Variants in TECTA observed in about 807,000 individuals in gnomAD.
TECTA encodes alpha-tectorin.
TECTA carries 128 observed loss-of-function variants against 216.8 expected under a neutral mutation model. The observed-to-expected ratio is 0.59, with a 90% CI of 0.51 to 0.68. The LOEUF (loss-of-function observed/expected upper bound fraction) is 0.68. Among genes scored for constraint, TECTA ranks in the 30% least tolerant of loss-of-function variants. The probability of loss-of-function intolerance (pLI) is 0.00; values close to 1 mark genes in which losing one functional copy is unlikely to be tolerated. For missense variants in TECTA, 2,551 were observed against 2,786.2 expected (o/e 0.92, Z 1.90); for synonymous variants, 1,089 against 1,117.1 (o/e 0.97, Z 0.50).
intron 21 of TECTA, among the ~76,000 whole-genome samples, chr11:121,188,325 A>ATGG (rs1947308093): frequency 6.6e-6 from 1 of 152,162 alleles, no homozygotes; most frequent in Admixed American, 6.5e-5. Context: ...ACCTCTACCC[A>ATGG]TGGATACCAG....
intron 14 of TECTA, among the ~76,000 whole-genome samples, chr11:121,159,389 C>T (rs563964466): frequency 6.6e-6 from 1 of 152,274 alleles, no homozygotes; most frequent in African/African-American, 2.4e-5. Context: ...CAAAATACCC[C>T]AAGCTAGTCA....
chr11:121,125,276 C>A, intron 7 of TECTA, 26 bp from the exon 8 acceptor site: 2 of 1,607,374 alleles, frequency 1.2e-6, no homozygotes, highest in South Asian at 1.1e-5. Context: ...TGCTCACCTG[C>A]CTTTCACTAT....
At position 121,114,628 on chromosome 11, in the gene TECTA, C is replaced by A. The variant is rs1426718214; in HGVS notation, c.790+910C>A. On this transcript the variant is annotated intron_variant, in intron 6 of 23. Coordinates refer to ENST00000392793, the MANE Select transcript of TECTA (RefSeq NM_005422.4). Reference sequence around the variant, plus strand: ...ACCCACCCATCCATCCACCTACCCACCCACCCATCCACCCACCCATCCATC... The same window carrying A: ...ACCCACCCATCCATCCACCTACCCAACCACCCATCCACCCACCCATCCATC... Among the ~76,000 whole-genome samples, 3 of 131,678 alleles carry A rather than the reference C, an allele frequency of 2.3e-5. 1 individual carries two copies. In the East Asian group the frequency reaches 7.6e-4, roughly 33 times the overall value. 86.4% of individuals were successfully genotyped at this position (131,678 alleles called of 152,430 possible). A position where few individuals can be genotyped will look rare whatever the true frequency, so the allele number is the denominator to read the frequency against.
Position 121,165,332 on chromosome 11 carries a change from G to A in TECTA, c.5332G>A (p.Gly1778Ser). The change falls in exon 17 of 24, where the codon GGC becomes AGC. Residue 1778 changes from glycine (G) to serine (S), a missense_variant. This residue lies in a region of TECTA where 2,375 missense variants were observed against 2,563.9 expected (regional missense o/e 0.93). Transcript: ENST00000392793. Reference sequence around the variant, plus strand: ...CTGTCCCAACCGAACTTGCGAGCTGGGCAATGGCAGGGAGCTGTGTGGCTG... The same window carrying A: ...CTGTCCCAACCGAACTTGCGAGCTGAGCAATGGCAGGGAGCTGTGTGGCTG... ...ADCPNRTCEL[G>S]NGRELCGCIE... 6.2e-7 allele frequency: 1 copy of A among 1,608,390 alleles called. No homozygotes were observed. The highest frequency in any genetic ancestry group is 8.5e-7 in the Non-Finnish European group (1 of 1,177,600).
chr11:121,110,470 TTA>T (rs1242565166), intron 4 of TECTA: 1 of 152,194 alleles, frequency 6.6e-6, no homozygotes, highest in African/African-American at 2.4e-5. Context: ...CACGAACACA[TTA>T]TGTTTTAGCA....
Position 121,109,503 on chromosome 11 carries a change from T to C in TECTA, c.486+5T>C. ...GGAGGCAGCAGCACCACACCTGTAATAATTCAAATTTTCTGCTTTCCACTT... is the reference window on the plus strand; with the variant it reads ...GGAGGCAGCAGCACCACACCTGTAACAATTCAAATTTTCTGCTTTCCACTT... On this transcript the variant is annotated splice_donor_5th_base_variant and intron_variant, in intron 4 of 23. Coordinates refer to ENST00000392793, the MANE Select transcript of TECTA (RefSeq NM_005422.4). 6 of 1,614,172 alleles carry C rather than the reference T, an allele frequency of 3.7e-6. No individual in the cohort carries two copies. The highest frequency in any genetic ancestry group is 5.1e-6 in the Non-Finnish European group (6 of 1,180,012).
At chr11:121,189,517 G>C (rs969329145) in intron 22 of TECTA, among the ~76,000 whole-genome samples, 3 of 152,060 alleles carry the variant, frequency 2.0e-5, no homozygotes, top group Non-Finnish European at 4.4e-5. Context: ...GGGACTACAG[G>C]TGCCCGCCCC....
chr11:121,129,779 C>T lies in TECTA; in HGVS notation c.2509C>T (p.Leu837=). Residue 837 remains leucine, a synonymous_variant, in exon 10 of 24, where the codon CTG becomes TTG. Coordinates refer to ENST00000392793, the MANE Select transcript of TECTA (RefSeq NM_005422.4). ...YSDIGLLYIR[L]STTYFNCTGG... The stretch of plus-strand genomic sequence containing the variant: ...AGACATAGGTCTATTGTACATCCGG[C>T]TGTCCACCACATACTTCAATTGCAC... The T allele has an allele frequency of 6.2e-7, 1 of 1,614,212 alleles. No homozygotes were observed. The highest frequency in any genetic ancestry group is 8.5e-7 in the Non-Finnish European group (1 of 1,180,050).
At chr11:121,190,374 C>T (rs887237540) in intron 23 of TECTA, among the ~76,000 whole-genome samples, 1 of 152,168 alleles carries the variant, frequency 6.6e-6, no homozygotes, top group African/African-American at 2.4e-5. Flanking sequence ...AAGCGATTCT[C>T]CTGCCTCAAC....
At position 121,102,709 on chromosome 11, in the gene TECTA, T is replaced by C. The variant is rs1946357161; in HGVS notation, c.44T>C (p.Phe15Ser). Residue 15 changes from phenylalanine to serine, a missense_variant, in exon 2 of 24, where the codon TTC (phenylalanine) becomes TCC (serine). Transcript: ENST00000392793. Reference protein sequence around the residue: ...SFLRIWVSFIFALVQHQAQPR... With the variant: ...SFLRIWVSFISALVQHQAQPR... ...CTTAGAATTTGGGTCTCTTTCATCT[T>C]CGCACTTGTACAGCACCAAGGTGAG... 1 of 1,613,932 alleles carries C rather than the reference T, an allele frequency of 6.2e-7. No homozygotes were observed. The highest frequency in any genetic ancestry group is 8.5e-7 in the Non-Finnish European group (1 of 1,179,798).
Position 121,105,980 on chromosome 11 carries a change from G to A in TECTA, c.198+16G>A. 3 of 1,614,176 alleles carry A rather than the reference G, an allele frequency of 1.9e-6. No homozygotes were observed. Among genetic ancestry groups the A allele is most frequent in the Non-Finnish European group, 2.5e-6 (3 of 1,180,020 alleles). On this transcript the variant is annotated intron_variant, in intron 3 of 23. Transcript: ENST00000392793. The surrounding 1 kb of genome is among the most constrained non-coding windows in gnomAD (Gnocchi z 5.3). ...CACTGTCTATGTAAGTGGAGAAGCA[G>A]CCCATCTGTTGTTCTCTGGCCCTCC...
At chr11:121,148,354 C>T (rs948543713) in intron 12 of TECTA, among the ~76,000 whole-genome samples, 1 of 151,588 alleles carries the variant, frequency 6.6e-6, no homozygotes, top group Non-Finnish European at 1.5e-5. Context: ...AGTTAGAGCA[C>T]CTGAGGAGAT....
chr11:121,180,035 C>T (rs1947210836), intron 20 of TECTA, among the ~76,000 whole-genome samples: 2 of 149,270 alleles, frequency 1.3e-5, no homozygotes, highest in South Asian at 4.2e-4. Flanking sequence ...ATTTAATCTG[C>T]TTATATTCAA....
chr11:121,147,238 G>A (rs1946847049), intron 12 of TECTA, among the ~76,000 whole-genome samples: 1 of 152,184 alleles, frequency 6.6e-6, no homozygotes, highest in African/African-American at 2.4e-5. Context: ...AATGCATAGA[G>A]CTCTAACTAA....
chr11:121,118,335 TG>T lies in TECTA; in HGVS notation c.823del (p.Asp275MetfsTer3). 6.2e-7 allele frequency: 1 copy of T among 1,614,174 alleles called. No individual in the cohort carries two copies. Among genetic ancestry groups the T allele is most frequent in the African/African-American group, 1.3e-5 (1 of 75,048 alleles). On this transcript the variant is annotated frameshift_variant, in exon 7 of 24. Coordinates refer to ENST00000392793, the MANE Select transcript of TECTA (RefSeq NM_005422.4). LOFTEE classifies it high-confidence loss of function. ...ATTCCTTCGGCGAGGGGAGGTGTTTTGGGATGACTTGAACTGCACCGTCAAG... is the reference window on the plus strand; with the variant it reads ...ATTCCTTCGGCGAGGGGAGGTGTTTTGGATGACTTGAACTGCACCGTCAAG... The part of the protein sequence containing the change: ...GQFLRRGEVF[W>X]DDLNCTVKCR...
chr11:121,180,020 G>A (rs1013353302), intron 20 of TECTA, among the ~76,000 whole-genome samples: 2 of 149,694 alleles, frequency 1.3e-5, no homozygotes, highest in African/African-American at 4.9e-5. Flanking sequence ...TCTTTTAAGT[G>A]GGGAATTTAA....
intron 9 of TECTA, among the ~76,000 whole-genome samples, chr11:121,128,849 C>T (rs1946643009): frequency 6.6e-6 from 1 of 152,228 alleles, no homozygotes; most frequent in South Asian, 2.1e-4. Flanking sequence ...GGGTGACTCC[C>T]ACCCCTCTGA....
At chr11:121,121,972 A>C (rs1426900539) in intron 7 of TECTA, among the ~76,000 whole-genome samples, 1 of 152,160 alleles carries the variant, frequency 6.6e-6, no homozygotes, top group African/African-American at 2.4e-5. Flanking sequence ...TTAGGGTAGG[A>C]AAAGCCATAT....
intron 20 of TECTA, among the ~76,000 whole-genome samples, chr11:121,172,343 C>T (rs946530591): frequency 6.6e-5 from 10 of 151,854 alleles, no homozygotes; most frequent in African/African-American, 2.4e-4. Context: ...CCCCGCTCTC[C>T]CCACCCCACA....
Sources: gnomAD v4.1 joint callset for allele counts (sites outside exome capture counted in the v4.1 genomes callset) on GRCh38, gnomAD v4.1.1 for gene constraint, gnomAD v4.1.1 regional missense constraint, Gnocchi (gnomAD v3.1) non-coding constraint, MANE v1.5 for transcripts, NCBI Gene and HGNC (gene_info 2026-07-23, HGNC 2026-07-21) for gene names.